The following GPBP1L1 variants were observed in gnomAD, a reference collection of about 807,000 sequenced individuals.
GPBP1L1 encodes the protein vasculin-like protein 1.
A neutral mutation model predicts 52.5 loss-of-function variants in GPBP1L1; 23 were observed. That is an observed-to-expected ratio of 0.44 (90% confidence interval 0.32 to 0.62). GPBP1L1 has a LOEUF of 0.62. Among genes scored for constraint, GPBP1L1 ranks in the 20% least tolerant of loss-of-function variants. GPBP1L1 has a pLI of 0.06. For missense variants in GPBP1L1, 596 were observed against 579.3 expected, an observed-to-expected ratio of 1.03 and a Z score of -0.30; for synonymous variants, 243 against 203.1, an observed-to-expected ratio of 1.20 and a Z score of -1.67.
intron 4 of GPBP1L1, among the ~76,000 whole-genome samples, chr1:45,657,118 G>T (rs974554361): frequency 1.3e-5 from 2 of 152,096 alleles, no homozygotes; most frequent in Non-Finnish European, 2.9e-5. Flanking sequence ...TAAGTTCACG[G>T]TGCTAAAACA....
At chr1:45,633,818 G>T in intron 9 of GPBP1L1, 171 bp from the exon 10 acceptor site, 1 of 724,748 alleles carries the variant, frequency 1.4e-6, no homozygotes, top group Non-Finnish European at 2.2e-6. Flanking sequence ...GGTTTATATA[G>T]TTAAGAGCAG....
chr1:45,666,691 T>A (rs1645014731), intron 2 of GPBP1L1, among the ~76,000 whole-genome samples: 1 of 152,182 alleles, frequency 6.6e-6, no homozygotes, highest in Admixed American at 6.5e-5. Context: ...ACCTAATAAT[T>A]CTACTTCTAG....
chr1:45,632,831 TCTTAAAA>T (rs1481981546), intron 10 of GPBP1L1, among the ~76,000 whole-genome samples: 5 of 152,116 alleles, frequency 3.3e-5, no homozygotes, highest in African/African-American at 1.2e-4. Flanking sequence ...CTCTAAGAAC[TCTTAAAA>T]CTTAGCAATA....
At chr1:45,655,392 G>C in intron 4 of GPBP1L1, 73 bp from the exon 5 acceptor site, 1 of 1,499,132 alleles carries the variant, frequency 6.7e-7, no homozygotes, top group Non-Finnish European at 9.2e-7. Flanking sequence ...AATAGGCTTT[G>C]CATCAGGCCT....
rs778113669 is a variant in GPBP1L1, at chr1:45,647,166, A to ATT, written c.478-4669_478-4668dup. Among the ~76,000 whole-genome samples the ATT allele has an allele frequency of 2.8e-3, 312 of 112,630 alleles. 5 individuals carry two copies. The highest frequency in any genetic ancestry group is 0.019 in the East Asian group (75 of 3,960). The allele number at this position is 112,630 out of a possible 152,430, so 73.9% of individuals were successfully genotyped here. A position where few individuals can be genotyped will look rare whatever the true frequency, so the allele number is the denominator to read the frequency against. ...TTTTTTTTTAAACCAACTTCTTAGG[A>ATT]TTTTTTTTTTTTTTTTTCTGAGACC... On this transcript the variant is annotated intron_variant, in intron 6 of 12. Coordinates refer to ENST00000355105, the MANE Select transcript of GPBP1L1 (RefSeq NM_021639.5).
At chr1:45,647,228 T>C (rs1177217050) in intron 6 of GPBP1L1, among the ~76,000 whole-genome samples, 2 of 149,404 alleles carry the variant, frequency 1.3e-5, no homozygotes, top group Non-Finnish European at 3.0e-5. Flanking sequence ...CGGAGTGCAA[T>C]GGTGCGATCT....
chr1:45,645,823 C>A (rs781244687), intron 6 of GPBP1L1: 6 of 440,458 alleles, frequency 1.4e-5, no homozygotes, highest in South Asian at 3.5e-5. Context: ...TCCCTAGAAA[C>A]AAAATCCAAG....
At chr1:45,644,965 T>C (rs565638087) in intron 6 of GPBP1L1, among the ~76,000 whole-genome samples, 1 of 152,324 alleles carries the variant, frequency 6.6e-6, no homozygotes, top group East Asian at 1.9e-4. Flanking sequence ...GAGGTAGGTA[T>C]CATTGTGAAT....
Position 45,628,328 on chromosome 1 carries a change from G to C in GPBP1L1, c.1353C>G (p.Cys451Trp), listed in dbSNP as rs779916534. The C allele has an allele frequency of 1.2e-6, 2 of 1,614,056 alleles. No homozygotes were observed. Among genetic ancestry groups the C allele is most frequent in the Non-Finnish European group, 1.7e-6 (2 of 1,179,990 alleles). Residue 451 changes from cysteine to tryptophan, a missense_variant, in exon 13 of 13, where the codon TGC (cysteine) becomes TGG (tryptophan). By Grantham distance (215) the Cys-to-Trp change is radical (BLOSUM62 -2). Transcript: ENST00000355105. ...TGTCTGAGTCCTCAAACTCTGCTTTGCAAGTGCTTCTCCAAGGGGAGAACA... is the reference window on the plus strand; with the variant it reads ...TGTCTGAGTCCTCAAACTCTGCTTTCCAAGTGCTTCTCCAAGGGGAGAACA... Reference protein sequence around the residue: ...SSLFSPWRSTCKAEFEDSDTE... With the variant: ...SSLFSPWRSTWKAEFEDSDTE...
At chr1:45,686,555 G>C (rs1017640686), upstream of GPBP1L1, 2 of 152,622 alleles carry the variant, frequency 1.3e-5, no homozygotes, top group Non-Finnish European at 1.5e-5. Context: ...GGTCCAGGAG[G>C]GGCAGAGCGG....
rs374260191 is a variant in GPBP1L1 at position 45,629,695 on chromosome 1, G to A, written c.1170-17C>T. The A allele has an allele frequency of 4.1e-6, 6 of 1,477,422 alleles. No homozygotes were observed. In the African/African-American group the frequency reaches 4.2e-5, roughly 10 times the overall value. The allele number at this position is 1,477,422 out of a possible 1,614,324, so 91.5% of individuals were successfully genotyped here. On this transcript the variant is annotated splice_polypyrimidine_tract_variant and intron_variant, in intron 11 of 12. Transcript: ENST00000355105. ...TTCAATAACCTGGTGGACGCAGAAG[G>A]ACAGGTAAAGAGAATACAACATCAC...
At chr1:45,639,072 A>T (rs967258487) in intron 8 of GPBP1L1, among the ~76,000 whole-genome samples, 1 of 152,218 alleles carries the variant, frequency 6.6e-6, no homozygotes, top group Admixed American at 6.5e-5. Flanking sequence ...GCAATGTGTA[A>T]CAAAAATCAT....
intron 10 of GPBP1L1, among the ~76,000 whole-genome samples, chr1:45,632,653 T>G (rs553003700): frequency 6.6e-6 from 1 of 152,156 alleles, no homozygotes; most frequent in East Asian, 1.9e-4. Flanking sequence ...GAAGCGGAGG[T>G]TGCAATGAGC....
At chr1:45,659,744 A>G (rs1294421029) in intron 3 of GPBP1L1, among the ~76,000 whole-genome samples, 1 of 152,180 alleles carries the variant, frequency 6.6e-6, no homozygotes, top group Non-Finnish European at 1.5e-5. Flanking sequence ...GTTCGAGACC[A>G]GTCTGGGCAA....
chr1:45,644,827 A>G (rs1424862501), intron 6 of GPBP1L1, among the ~76,000 whole-genome samples: 2 of 152,238 alleles, frequency 1.3e-5, no homozygotes, highest in East Asian at 3.8e-4. Context: ...ACAAGATGCA[A>G]AAACAATGAT....
intron 2 of GPBP1L1, among the ~76,000 whole-genome samples, chr1:45,667,325 G>C (rs150848275): frequency 8.3e-4 from 126 of 152,090 alleles, no homozygotes; most frequent in African/African-American, 2.9e-3. Context: ...CAAACTCCTT[G>C]TATCTGAATA....
chr1:45,648,821 A>C (rs180866238), intron 6 of GPBP1L1, among the ~76,000 whole-genome samples: 13 of 152,294 alleles, frequency 8.5e-5, no homozygotes, highest in African/African-American at 3.1e-4. Flanking sequence ...TGAGGTCAGG[A>C]GTTTGAGACC....
rs573625491 is a variant in GPBP1L1, at chr1:45,665,753, A to G, written c.-1097-4528T>C. 2.1e-3 allele frequency among the ~76,000 whole-genome samples: 323 copies of G among 151,510 alleles called. 4 individuals are homozygous for G. In the East Asian group the frequency reaches 0.057, roughly 27 times the overall value. ...AGCGAGACGCCGTCTTAAAAAAAAA[A>G]AAAAAAAAAAAAAAGGAAAGTTTCC... is the stretch of plus-strand genomic sequence containing the variant. On this transcript the variant is annotated intron_variant, in intron 2 of 12. Coordinates refer to ENST00000355105, the MANE Select transcript of GPBP1L1 (RefSeq NM_021639.5).
intron 7 of GPBP1L1, among the ~76,000 whole-genome samples, chr1:45,640,645 T>C (rs980363773): frequency 6.6e-6 from 1 of 152,180 alleles, no homozygotes; most frequent in Admixed American, 6.5e-5. Context: ...AGTCCAAAGA[T>C]GTTAGCAGTC....
Sources: gnomAD v4.1 joint callset for allele counts (sites outside exome capture counted in the v4.1 genomes callset) on GRCh38, gnomAD v4.1.1 for gene constraint, MANE v1.5 for transcripts, NCBI Gene and HGNC (gene_info 2026-07-23, HGNC 2026-07-21) for gene names.